The following SDK1 variants were observed in gnomAD, a reference collection of about 807,000 sequenced individuals.
SDK1 encodes the protein sidekick cell adhesion molecule 1.
A neutral mutation model predicts 245.5 loss-of-function variants in SDK1; 157 were observed. The ratio of observed to expected loss-of-function variants is 0.64; its 90% CI spans 0.56 to 0.73. The LOEUF (loss-of-function observed/expected upper bound fraction) is 0.73, where lower values mean the gene tolerates loss of function less well. Among genes scored for constraint, SDK1 ranks in the 30% least tolerant of loss-of-function variants. The pLI is 0.00. For missense variants in SDK1, 3,583 were observed against 3,002.3 expected, an observed-to-expected ratio of 1.19 and a Z score of -4.52; for synonymous variants, 1,647 against 1,278.5, an observed-to-expected ratio of 1.29 and a Z score of -6.15.
chr7:4,128,831 C>A (rs1784572016), intron 26 of SDK1, among the ~76,000 whole-genome samples: 1 of 130,962 alleles, frequency 7.6e-6, no homozygotes. Context: ...TGGAATAGAG[C>A]AGCTTGGAGT....
chr7:3,988,444 T>A (rs1784044076), intron 14 of SDK1, among the ~76,000 whole-genome samples: 1 of 152,098 alleles, frequency 6.6e-6, no homozygotes, highest in Admixed American at 6.5e-5. Flanking sequence ...CTGATCTTCC[T>A]GAGATATACC....
intron 4 of SDK1, among the ~76,000 whole-genome samples, chr7:3,692,610 A>G (rs886616689): frequency 6.6e-6 from 1 of 152,152 alleles, no homozygotes; most frequent in Non-Finnish European, 1.5e-5. Context: ...TGATAAAAAT[A>G]TAAACTCTTG....
intron 4 of SDK1, among the ~76,000 whole-genome samples, chr7:3,744,938 T>TC (rs958789254): frequency 6.6e-6 from 1 of 152,186 alleles, no homozygotes; most frequent in Non-Finnish European, 1.5e-5. Flanking sequence ...CTTTTCTTTT[T>TC]CCCTCACGAA....
intron 5 of SDK1, among the ~76,000 whole-genome samples, chr7:3,854,239 T>G (rs1780486020): frequency 6.6e-6 from 1 of 152,168 alleles, no homozygotes. Context: ...TGACTTCAGT[T>G]CATATCTCAA....
intron 14 of SDK1, among the ~76,000 whole-genome samples, chr7:4,010,347 A>G (rs1562662393): frequency 6.6e-6 from 1 of 152,178 alleles, no homozygotes; most frequent in Non-Finnish European, 1.5e-5. Context: ...GCAAGAGTGC[A>G]TTTGGCTGGC....
At chr7:3,941,823 C>G (rs764444377) in intron 5 of SDK1, among the ~76,000 whole-genome samples, 1 of 152,042 alleles carries the variant, frequency 6.6e-6, no homozygotes, top group Non-Finnish European at 1.5e-5. Context: ...AAATAAGAGG[C>G]AGTTGTTACA....
intron 1 of SDK1, among the ~76,000 whole-genome samples, chr7:3,546,105 G>C (rs1020629064): frequency 1.5e-4 from 23 of 152,324 alleles, no homozygotes; most frequent in African/African-American, 5.5e-4. Flanking sequence ...GAGTGCCTCA[G>C]GGTTGCCTGG....
At chr7:3,986,386 A>G (rs1404352543) in intron 13 of SDK1, among the ~76,000 whole-genome samples, 3 of 152,200 alleles carry the variant, frequency 2.0e-5, no homozygotes, top group Non-Finnish European at 2.9e-5. Flanking sequence ...CATGCTGTCA[A>G]TAAATGCGGC....
At chr7:3,821,760 A>G (rs905608179) in intron 5 of SDK1, among the ~76,000 whole-genome samples, 177 bp downstream of exon 5, 7 of 152,186 alleles carry the variant, frequency 4.6e-5, no homozygotes, top group East Asian at 1.9e-4. Context: ...GCTTTCTTCA[A>G]AATGATATGC....
chr7:3,432,002 T>C (rs1200785050), intron 1 of SDK1, among the ~76,000 whole-genome samples: 2 of 151,908 alleles, frequency 1.3e-5, no homozygotes, highest in African/African-American at 4.8e-5. Flanking sequence ...TTACAAAATA[T>C]ACCCGTTGAA....
rs148910281 is a variant in SDK1 at position 4,011,039 on chromosome 7, G to A, written c.2205G>A (p.Pro735=). Reference sequence around the variant, plus strand: ...GCGTCACCGTGAGTGGCCTGACTCCGGCTCGTACCTATCAATTCCGGGTGT... The same window carrying A: ...GCGTCACCGTGAGTGGCCTGACTCCAGCTCGTACCTATCAATTCCGGGTGT... ...MTGVTVSGLT[P]ARTYQFRVCA... is the part of the protein sequence containing the mutation. The change falls in exon 15 of 45, where the codon CCG becomes CCA. Residue 735 remains proline, a synonymous_variant. Coordinates refer to ENST00000404826, the MANE Select transcript of SDK1 (RefSeq NM_152744.4). The A allele has an allele frequency of 6.9e-5, 112 of 1,614,180 alleles. 1 individual carries two copies. Among genetic ancestry groups the A allele is most frequent in the South Asian group, 2.7e-4 (25 of 91,074 alleles).
At chr7:3,839,808 CAGTTTTTTTAACATTT>C (rs1164620103) in intron 5 of SDK1, among the ~76,000 whole-genome samples, 3 of 151,958 alleles carry the variant, frequency 2.0e-5, no homozygotes, top group Non-Finnish European at 4.4e-5. Context: ...ATAATCAAAC[CAGTTTTTTTAACATTT>C]AGTTTTAGAG....
chr7:4,157,449 GGGAGGTGGAAGGGAGA>G (rs1562899736), intron 30 of SDK1, among the ~76,000 whole-genome samples: 13 of 131,182 alleles, frequency 9.9e-5, no homozygotes, highest in African/African-American at 3.3e-4. Flanking sequence ...AAGGAGGGAA[GGGAGGTGGAAGGGAGA>G]GAAGGAAGGA....
chr7:4,141,628 G>T lies in SDK1; in HGVS notation c.4229-4094G>T, dbSNP rs144305650. Among the ~76,000 whole-genome samples the T allele has an allele frequency of 5.6e-3, 855 of 152,328 alleles. 11 individuals carry two copies. Among genetic ancestry groups the T allele is most frequent in the African/African-American group, 0.019 (810 of 41,570 alleles). On this transcript the variant is annotated intron_variant, in intron 28 of 44. Coordinates refer to ENST00000404826, the MANE Select transcript of SDK1 (RefSeq NM_152744.4). Reference sequence around the variant, plus strand: ...CAAGGGAACTCAGGTAGGCTGGTGGGATCCATAGGAAAGGCATGTTCCTGG... The same window carrying T: ...CAAGGGAACTCAGGTAGGCTGGTGGTATCCATAGGAAAGGCATGTTCCTGG...
At chr7:3,884,859 C>T (rs187980548) in intron 5 of SDK1, among the ~76,000 whole-genome samples, 2 of 152,226 alleles carry the variant, frequency 1.3e-5, no homozygotes, top group African/African-American at 4.8e-5. Context: ...GCTGATGGGG[C>T]CTTCTCTGCT....
At chr7:3,950,031 G>A (rs1417663415) in intron 5 of SDK1, among the ~76,000 whole-genome samples, 1 of 152,206 alleles carries the variant, frequency 6.6e-6, no homozygotes, top group African/African-American at 2.4e-5. Flanking sequence ...GGTAGACTAG[G>A]TAACTCAGTA....
At chr7:3,607,763 G>A (rs772365222) in intron 1 of SDK1, among the ~76,000 whole-genome samples, 1 of 152,212 alleles carries the variant, frequency 6.6e-6, no homozygotes, top group Non-Finnish European at 1.5e-5. Flanking sequence ...CATTCTGTAG[G>A]AAGATGCAAT....
intron 4 of SDK1, among the ~76,000 whole-genome samples, chr7:3,749,167 C>G (rs569813923): frequency 6.6e-6 from 1 of 151,956 alleles, no homozygotes; most frequent in Non-Finnish European, 1.5e-5. Context: ...GAGGGAGTCT[C>G]GCTCTGTCAC....
chr7:3,753,060 C>G (rs1238570141), intron 4 of SDK1, among the ~76,000 whole-genome samples: 1 of 152,128 alleles, frequency 6.6e-6, no homozygotes, highest in Non-Finnish European at 1.5e-5. Flanking sequence ...GCACTGAGAT[C>G]TTTCAATGTA....
Sources: gnomAD v4.1 joint callset for allele counts (sites outside exome capture counted in the v4.1 genomes callset) on GRCh38, gnomAD v4.1.1 for gene constraint, MANE v1.5 for transcripts, NCBI Gene and HGNC (gene_info 2026-07-23, HGNC 2026-07-21) for gene names.